GLYATL3: variants seen among roughly 807,000 people sequenced by gnomAD.
GLYATL3 encodes glycine-N-acyltransferase like 3.
In GLYATL3, 31 loss-of-function variants were observed where a neutral mutation model predicts 28.5. The observed-to-expected ratio is 1.09, with a 90% CI of 0.82 to 1.47. GLYATL3 has a LOEUF of 1.47. GLYATL3 is among the 40% of genes most tolerant of loss of function. The probability of loss-of-function intolerance (pLI) is 0.00; values close to 1 mark genes in which losing one functional copy is unlikely to be tolerated. For synonymous variants in GLYATL3, 141 were observed against 140.2 expected (o/e 1.01, Z -0.04); for missense variants, 369 against 351.5 (o/e 1.05, Z -0.40).
rs1769167050 is a variant in GLYATL3, at chr6:49,513,950, C to T, written c.79-1703C>T. Reference sequence around the variant, plus strand: ...TTTAAAAAAGTTGTTTTTAATTAAACAAAAAAGTGATAAGGGAGGTAAATG... The same window carrying T: ...TTTAAAAAAGTTGTTTTTAATTAAATAAAAAAGTGATAAGGGAGGTAAATG... On this transcript the variant is annotated intron_variant, in intron 2 of 5. Coordinates refer to ENST00000371197, the MANE Select transcript of GLYATL3 (RefSeq NM_001010904.2). 2.6e-5 allele frequency among the ~76,000 whole-genome samples: 4 copies of T among 151,864 alleles called. No individual in the cohort carries two copies. The South Asian group carries it at 8.3e-4, about 32-fold the overall frequency.
chr6:49,501,399 G>A (rs566681535), intron 1 of GLYATL3, among the ~76,000 whole-genome samples: 16 of 152,282 alleles, frequency 1.1e-4, no homozygotes, highest in South Asian at 8.3e-4. Context: ...CCGCGGTGCC[G>A]CCAATGCACT....
chr6:49,514,349 T>C (rs952034332), intron 2 of GLYATL3, among the ~76,000 whole-genome samples: 2 of 152,242 alleles, frequency 1.3e-5, no homozygotes, highest in African/African-American at 4.8e-5. Context: ...ATTTCATTGC[T>C]GTTTTGTAAT....
chr6:49,500,920 C>G (rs1017543358), intron 1 of GLYATL3, among the ~76,000 whole-genome samples: 1 of 152,078 alleles, frequency 6.6e-6, no homozygotes, highest in Non-Finnish European at 1.5e-5. Context: ...AATGAAAGAT[C>G]CTTATGAAAT....
In GLYATL3 at chr6:49,508,137, A is replaced by T. The variant is rs1769047544; in HGVS notation, c.-28-3826A>T. On this transcript the variant is annotated intron_variant, in intron 1 of 5. Transcript: ENST00000371197. Reference sequence around the variant, plus strand: ...TGGTGAAACCCCGTCTCTACTAAAAATTTAAAAAATTAGCCGGGTGTGGTG... The same window carrying T: ...TGGTGAAACCCCGTCTCTACTAAAATTTTAAAAAATTAGCCGGGTGTGGTG... 2.0e-5 allele frequency among the ~76,000 whole-genome samples: 3 copies of T among 152,086 alleles called. No homozygotes were observed. The South Asian group carries it at 6.2e-4, about 32-fold the overall frequency.
At chr6:49,511,840 C>T in intron 1 of GLYATL3, 123 bp from the exon 2 acceptor site, 2 of 491,104 alleles carry the variant, frequency 4.1e-6, no homozygotes, top group Non-Finnish European at 7.3e-6. Context: ...CCTTTTCCCT[C>T]TTCAGGGGGA....
chr6:49,501,937 A>C (rs1184228398), intron 1 of GLYATL3, among the ~76,000 whole-genome samples: 1 of 152,188 alleles, frequency 6.6e-6, no homozygotes, highest in African/African-American at 2.4e-5. Flanking sequence ...TGGTGATGTG[A>C]AACCTCCCTG....
intron 1 of GLYATL3, among the ~76,000 whole-genome samples, chr6:49,507,236 G>A (rs1769026903): frequency 6.6e-6 from 1 of 152,024 alleles, no homozygotes; most frequent in Admixed American, 6.6e-5. Context: ...AGTTGAAGAG[G>A]ATCACCAGAT....
Position 49,499,966 on chromosome 6 carries a change from A to C in GLYATL3, c.-105A>C, listed in dbSNP as rs1768884093. On this transcript the variant is annotated 5_prime_UTR_variant, in exon 1 of 6. Transcript: ENST00000371197. Reference sequence around the variant, plus strand: ...TTAGAGAGGTAGCCTTGAAGAATAAACTTACCATTTATATAAAAGGGCTAC... The same window carrying C: ...TTAGAGAGGTAGCCTTGAAGAATAACCTTACCATTTATATAAAAGGGCTAC... 1 of 151,972 alleles carries C rather than the reference A, an allele frequency of 6.6e-6. No homozygotes were observed. Among genetic ancestry groups the C allele is most frequent in the South Asian group, 2.1e-4 (1 of 4,814 alleles). 9.4% of individuals were successfully genotyped at this position (151,972 alleles called of 1,614,324 possible).
At chr6:49,516,650 C>A (rs1769220332) in intron 3 of GLYATL3, among the ~76,000 whole-genome samples, 1 of 152,018 alleles carries the variant, frequency 6.6e-6, no homozygotes, top group Non-Finnish European at 1.5e-5. Flanking sequence ...CCTTCCTAGC[C>A]AGATGTGGTG....
intron 1 of GLYATL3, among the ~76,000 whole-genome samples, chr6:49,511,062 G>A (rs998202741): frequency 1.2e-4 from 18 of 152,248 alleles, no homozygotes; most frequent in Non-Finnish European, 1.8e-4. Flanking sequence ...CAACCCCAGA[G>A]GCACCATGTT....
At chr6:49,506,128 C>T (rs1002205523) in intron 1 of GLYATL3, among the ~76,000 whole-genome samples, 9 of 152,150 alleles carry the variant, frequency 5.9e-5, no homozygotes, top group Admixed American at 5.2e-4. Flanking sequence ...ATTGTCAGTA[C>T]AAAGTTGGAC....
Position 49,526,677 on chromosome 6 carries a change from C to T in GLYATL3, c.630C>T (p.Ala210=). ...PVSWSITDQF[A]TMCHGYTLPE... ...CCTGGTCCATCACAGACCAGTTTGC[C>T]ACCATGTGCCATGGCTACACCCTGC... Residue 210 remains alanine, a synonymous_variant, in exon 6 of 6, where the codon GCC becomes GCT. Coordinates refer to ENST00000371197, the MANE Select transcript of GLYATL3 (RefSeq NM_001010904.2). 1 of 1,551,784 alleles carries T rather than the reference C, an allele frequency of 6.4e-7. No homozygotes were observed. Among genetic ancestry groups the T allele is most frequent in the South Asian group, 1.2e-5 (1 of 84,044 alleles).
chr6:49,524,659 C>T (rs1769371802), intron 5 of GLYATL3, among the ~76,000 whole-genome samples: 1 of 152,072 alleles, frequency 6.6e-6, no homozygotes, highest in African/African-American at 2.4e-5. Flanking sequence ...ACTATTTAAC[C>T]TAGAAAACAG....
intron 1 of GLYATL3, among the ~76,000 whole-genome samples, chr6:49,504,902 G>A (rs191297160): frequency 1.4e-4 from 22 of 152,262 alleles, no homozygotes; most frequent in Admixed American, 3.3e-4. Context: ...ACTGTGAAAT[G>A]CACATAAGCT....
intron 1 of GLYATL3, among the ~76,000 whole-genome samples, chr6:49,502,494 C>G (rs548325132): frequency 1.3e-5 from 2 of 152,182 alleles, no homozygotes; most frequent in Non-Finnish European, 2.9e-5. Flanking sequence ...TACATTGAAA[C>G]GGATTTATAG....
chr6:49,511,845 G>C (rs1365620046), intron 1 of GLYATL3, 118 bp from the exon 2 acceptor site: 1 of 490,090 alleles, frequency 2.0e-6, no homozygotes, highest in Non-Finnish European at 3.6e-6. Context: ...TCCCTCTTCA[G>C]GGGGAGCAAT....
At chr6:49,521,597 T>G in intron 4 of GLYATL3, 48 bp from the exon 5 acceptor site, 1 of 1,506,580 alleles carries the variant, frequency 6.6e-7, no homozygotes, top group Non-Finnish European at 8.9e-7. Flanking sequence ...CCTTTTTGCT[T>G]TTTCAACTAA....
intron 1 of GLYATL3, among the ~76,000 whole-genome samples, chr6:49,511,215 T>C (rs1424128317): frequency 6.6e-6 from 1 of 152,202 alleles, no homozygotes; most frequent in Non-Finnish European, 1.5e-5. Flanking sequence ...AAAAGTTTTC[T>C]TGGGAACAAA....
At chr6:49,511,802 T>G (rs2127432112) in intron 1 of GLYATL3, 161 bp from the exon 2 acceptor site, 1 of 463,832 alleles carries the variant, frequency 2.2e-6, no homozygotes, top group East Asian at 3.2e-5. Context: ...ATTCTCCGGT[T>G]TACCCATCCC....
Sources: gnomAD v4.1 joint callset for allele counts (sites outside exome capture counted in the v4.1 genomes callset) on GRCh38, gnomAD v4.1.1 for gene constraint, MANE v1.5 for transcripts, NCBI Gene and HGNC (gene_info 2026-07-23, HGNC 2026-07-21) for gene names.